Variants in SCHIP1 observed in about 807,000 individuals in gnomAD.
SCHIP1 encodes schwannomin-interacting protein 1.
A neutral mutation model predicts 29.7 loss-of-function variants in SCHIP1; 8 were observed. The observed-to-expected ratio is 0.27, with a 90% CI of 0.16 to 0.49. The LOEUF is 0.49. SCHIP1 is among the 20% of genes least tolerant of loss of function. The probability of loss-of-function intolerance (pLI) is 0.99; values close to 1 mark genes in which losing one functional copy is unlikely to be tolerated. For synonymous variants in SCHIP1, 76 were observed against 94.9 expected (o/e 0.80, Z 1.16); for missense variants, 193 against 294.6 (o/e 0.66, Z 2.52).
chr3:159,861,545 TC>T lies in SCHIP1; in HGVS notation c.31-4617del, dbSNP rs1714061701. Among the ~76,000 whole-genome samples, 1 of 152,150 alleles carries T rather than the reference TC, an allele frequency of 6.6e-6. No individual in the cohort carries two copies. The highest frequency in any genetic ancestry group is 6.5e-5 in the Admixed American group (1 of 15,276). ...TCATTGAAAGTCATTGTGAGCCTCATCTGCTCAGGCACAGCGGGTGGCAGTA... is the reference window on the plus strand; with the variant it reads ...TCATTGAAAGTCATTGTGAGCCTCATTGCTCAGGCACAGCGGGTGGCAGTA... On this transcript the variant is annotated intron_variant, in intron 1 of 6. Transcript: ENST00000445224. This position sits in a 1 kb window ranked among gnomAD's most constrained non-coding sequence, Gnocchi z 4.1.
the SCHIP1 span, among the ~76,000 whole-genome samples, chr3:159,528,964 A>G: frequency 6.6e-6 from 1 of 152,184 alleles, no homozygotes; most frequent in Non-Finnish European, 1.5e-5. Context: ...TAGATCACCA[A>G]CTTGAGACCA....
chr3:159,421,458 T>C, the SCHIP1 span, among the ~76,000 whole-genome samples: 1 of 152,216 alleles, frequency 6.6e-6, no homozygotes, highest in African/African-American at 2.4e-5. Context: ...ATCTGTGGCT[T>C]TGCTTTTTCT....
the SCHIP1 span, among the ~76,000 whole-genome samples, chr3:159,320,218 G>A: frequency 6.6e-6 from 1 of 152,092 alleles, no homozygotes; most frequent in Admixed American, 6.5e-5. Context: ...TCTATTTTCT[G>A]CCCAAATAAT....
the SCHIP1 span, among the ~76,000 whole-genome samples, chr3:159,759,749 G>C: frequency 6.6e-6 from 1 of 152,164 alleles, no homozygotes; most frequent in African/African-American, 2.4e-5. Context: ...ATGTAATAAA[G>C]ATGAAATACA....
At chr3:159,666,149 T>C in the SCHIP1 span, among the ~76,000 whole-genome samples, 1 of 152,214 alleles carries the variant, frequency 6.6e-6, no homozygotes, top group Non-Finnish European at 1.5e-5. Context: ...CAGAGTGGTA[T>C]GAGCCCAATT....
At chr3:159,543,121 A>G in the SCHIP1 span, among the ~76,000 whole-genome samples, 276 of 63,308 alleles carry the variant, frequency 4.4e-3, no homozygotes, top group Middle Eastern at 0.049. Flanking sequence ...ATGTGTGTAT[A>G]TATATATATA....
the SCHIP1 span, among the ~76,000 whole-genome samples, chr3:159,582,125 T>C: frequency 6.6e-6 from 1 of 151,792 alleles, no homozygotes; most frequent in Non-Finnish European, 1.5e-5. Flanking sequence ...TCTAGATAGG[T>C]TTTTTTTATG....
chr3:159,840,057 T>G, exon 1 of SCHIP1: 1 of 1,495,294 alleles, frequency 6.7e-7, no homozygotes, highest in Non-Finnish European at 8.8e-7. Flanking sequence ...CAGCATCCAT[T>G]TTAATCTGCG....
At chr3:159,674,073 GTTC>G in the SCHIP1 span, among the ~76,000 whole-genome samples, 1 of 152,090 alleles carries the variant, frequency 6.6e-6, no homozygotes. Context: ...TACTTCCTTT[GTTC>G]TTCAAAGTTA....
the SCHIP1 span, among the ~76,000 whole-genome samples, chr3:159,281,630 A>C: frequency 2.0e-5 from 3 of 152,186 alleles, no homozygotes; most frequent in Non-Finnish European, 4.4e-5. Flanking sequence ...TCACTAATTT[A>C]TCAAAAACTG....
At chr3:159,765,109 C>T in the SCHIP1 span, 13 of 1,569,900 alleles carry the variant, frequency 8.3e-6, no homozygotes, top group Non-Finnish European at 1.0e-5. Flanking sequence ...GGTACGGAAC[C>T]AGGGCCAGGC....
chr3:159,400,604 C>T, the SCHIP1 span, among the ~76,000 whole-genome samples: 1 of 152,178 alleles, frequency 6.6e-6, no homozygotes, highest in Non-Finnish European at 1.5e-5. Flanking sequence ...TCTACTACAA[C>T]AGTATCATGC....
At chr3:159,699,024 A>T in the SCHIP1 span, among the ~76,000 whole-genome samples, 2 of 152,168 alleles carry the variant, frequency 1.3e-5, no homozygotes, top group Admixed American at 1.3e-4. Flanking sequence ...CTTCGTGTAG[A>T]CTTCATTAAA....
At chr3:159,654,071 GATTT>G in the SCHIP1 span, among the ~76,000 whole-genome samples, 6 of 152,170 alleles carry the variant, frequency 3.9e-5, no homozygotes, top group Non-Finnish European at 1.5e-5. Flanking sequence ...TTTAAATACA[GATTT>G]TTTTCTTTTA....
the SCHIP1 span, among the ~76,000 whole-genome samples, chr3:159,489,313 TATTTATTTAAGAAGA>T: frequency 1.2e-3 from 189 of 152,344 alleles, no homozygotes; most frequent in Middle Eastern, 3.4e-3. Context: ...CAGAAACATT[TATTTATTTAAGAAGA>T]CTTTTACTAT....
Position 159,886,191 on chromosome 3 carries a change from G to A in SCHIP1, c.150-16G>A, listed in dbSNP as rs200385688. The A allele has an allele frequency of 4.0e-4, 642 of 1,613,852 alleles. 1 individual carries two copies. Among genetic ancestry groups the A allele is most frequent in the Admixed American group, 7.8e-4 (47 of 60,008 alleles). On this transcript the variant is annotated splice_polypyrimidine_tract_variant and intron_variant, in intron 2 of 6. Transcript: ENST00000445224. ...AACAGCTAAGTAGAACTAGTGTCCT[G>A]TTTGTTTCTGCCCAGACTGCAGAGT...
chr3:159,282,898 A>G, the SCHIP1 span, among the ~76,000 whole-genome samples: 1 of 151,780 alleles, frequency 6.6e-6, no homozygotes, highest in Non-Finnish European at 1.5e-5. Context: ...TCTCCACTTC[A>G]TATATTTTCA....
rs1424749408 is a variant in SCHIP1 at position 159,842,997 on chromosome 3, CTTTCTTTT to C, written c.30+2787_30+2794del. On this transcript the variant is annotated intron_variant, in intron 1 of 6. Transcript: ENST00000445224. Reference sequence around the variant, plus strand: ...GCTCTCCAGTTCTATCCCAATATTTCTTTCTTTTTTTTTTTTTTTTTTTTTTTTTTTTG... The same window carrying C: ...GCTCTCCAGTTCTATCCCAATATTTCTTTTTTTTTTTTTTTTTTTTTTTTG... Among the ~76,000 whole-genome samples the C allele has an allele frequency of 1.2e-3, 75 of 61,768 alleles. 4 individuals carry two copies. The highest frequency in any genetic ancestry group is 0.01 in the Middle Eastern group (1 of 98). The allele number at this position is 61,768 out of a possible 152,430, so 40.5% of individuals were successfully genotyped here. A position where few individuals can be genotyped will look rare whatever the true frequency, so the allele number is the denominator to read the frequency against.
chr3:159,533,626 G>GCC, the SCHIP1 span, among the ~76,000 whole-genome samples: 1 of 151,942 alleles, frequency 6.6e-6, no homozygotes, highest in African/African-American at 2.4e-5. Context: ...TGCTCTGTCT[G>GCC]CCCCCCCACA....
Sources: allele counts gnomAD v4.1 joint callset (sites outside exome capture counted in the v4.1 genomes callset), GRCh38; gene constraint gnomAD v4.1.1; non-coding constraint Gnocchi (gnomAD v3.1); transcripts MANE v1.5; gene names NCBI Gene and HGNC (gene_info 2026-07-23, HGNC 2026-07-21).